Variants in FOXP2 observed in about 807,000 individuals in gnomAD.
FOXP2 encodes forkhead box protein P2.
A neutral mutation model predicts 115.8 loss-of-function variants in FOXP2; 12 were observed. The observed-to-expected ratio is 0.10, with a 90% CI of 0.07 to 0.17. The LOEUF (loss-of-function observed/expected upper bound fraction) is 0.17. Among genes scored for constraint, FOXP2 ranks in the 10% least tolerant of loss-of-function variants. The probability of loss-of-function intolerance (pLI) is 1.00; values close to 1 mark genes in which losing one functional copy is unlikely to be tolerated. For synonymous variants in FOXP2, 328 were observed against 297.7 expected (o/e 1.10, Z -1.05); for missense variants, 629 against 843.5 (o/e 0.75, Z 3.15).
chr7:114,533,325 A>G (rs1799230615), intron 2 of FOXP2, among the ~76,000 whole-genome samples: 1 of 151,886 alleles, frequency 6.6e-6, no homozygotes, highest in Non-Finnish European at 1.5e-5. Flanking sequence ...CTGTCTTTTC[A>G]TAATTGATCA....
At chr7:114,603,597 G>A (rs1243685630) in intron 3 of FOXP2, among the ~76,000 whole-genome samples, 9 of 152,180 alleles carry the variant, frequency 5.9e-5, no homozygotes, top group Admixed American at 5.9e-4. Context: ...TGAATTAACA[G>A]ATAAATGTCA....
intron 2 of FOXP2, among the ~76,000 whole-genome samples, chr7:114,381,199 T>A (rs1015979863): frequency 1.4e-4 from 22 of 152,348 alleles, no homozygotes; most frequent in Non-Finnish European, 1.8e-4. Context: ...TAAGCCAGTA[T>A]AGGTTAGATA....
intron 2 of FOXP2, among the ~76,000 whole-genome samples, chr7:114,296,313 T>G (rs1195987125): frequency 3.9e-5 from 6 of 152,184 alleles, no homozygotes; most frequent in Middle Eastern, 3.2e-3. Flanking sequence ...TAGTCTCAGA[T>G]AATTTAATAA....
chr7:114,201,351 T>A (rs1490839860), intron 1 of FOXP2, among the ~76,000 whole-genome samples: 2 of 151,858 alleles, frequency 1.3e-5, no homozygotes, highest in Non-Finnish European at 2.9e-5. Flanking sequence ...TTGTCCCAGA[T>A]ACTCAGGAGG....
chr7:114,294,118 G>A (rs572131702), intron 2 of FOXP2, among the ~76,000 whole-genome samples: 17 of 152,288 alleles, frequency 1.1e-4, no homozygotes, highest in African/African-American at 3.8e-4. Flanking sequence ...CAAATGGAAA[G>A]AAAATGTGAA....
upstream of FOXP2, among the ~76,000 whole-genome samples, chr7:114,162,275 C>T (rs1792861541): frequency 6.6e-6 from 1 of 152,044 alleles, no homozygotes; most frequent in Admixed American, 6.6e-5. Flanking sequence ...TGCATTTTTA[C>T]ATCTTGTAAA....
chr7:114,573,949 A>G (rs1801445464), intron 3 of FOXP2, among the ~76,000 whole-genome samples: 1 of 151,770 alleles, frequency 6.6e-6, no homozygotes, highest in Non-Finnish European at 1.5e-5. Flanking sequence ...ATTTACTAGC[A>G]AAACGTGCAA....
intron 2 of FOXP2, among the ~76,000 whole-genome samples, chr7:114,457,749 C>A (rs376994764): frequency 6.6e-6 from 1 of 151,940 alleles, no homozygotes; most frequent in South Asian, 2.1e-4. Context: ...ATACAAAAAA[C>A]TAGCCAGGCG....
chr7:114,565,624 C>A (rs928363214), intron 3 of FOXP2, among the ~76,000 whole-genome samples: 3 of 152,078 alleles, frequency 2.0e-5, no homozygotes, highest in African/African-American at 7.2e-5. Flanking sequence ...TACACAGTAG[C>A]CTCAAAATAA....
At chr7:114,574,099 A>G (rs918356928) in intron 3 of FOXP2, among the ~76,000 whole-genome samples, 1 of 151,810 alleles carries the variant, frequency 6.6e-6, no homozygotes, top group African/African-American at 2.4e-5. Flanking sequence ...CTAATAAATT[A>G]TATTTAATGT....
In FOXP2 at chr7:114,113,679, A is replaced by G. The variant is rs1006135643; in HGVS notation, c.-247+25841A>G. ...CTACCATATCTGGATATTTATTATT[A>G]TTTTTTTATAGATGGGGTCTTGCTA... is the stretch of plus-strand genomic sequence containing the variant. On this transcript the variant is annotated intron_variant, in intron 1 of 19. Coordinates refer to the FOXP2 transcript ENST00000635638. Among the ~76,000 whole-genome samples, 8 of 151,796 alleles carry G rather than the reference A, an allele frequency of 5.3e-5. 1 individual carries two copies. The highest frequency in any genetic ancestry group is 3.3e-4 in the Admixed American group (5 of 15,224).
chr7:114,434,841 T>C (rs1414534794), intron 2 of FOXP2, among the ~76,000 whole-genome samples: 1 of 152,196 alleles, frequency 6.6e-6, no homozygotes, highest in Non-Finnish European at 1.5e-5. Flanking sequence ...TGGAAATTAA[T>C]TGTAATTTTA....
chr7:114,565,187 C>T (rs578156598), intron 3 of FOXP2, among the ~76,000 whole-genome samples: 1 of 150,834 alleles, frequency 6.6e-6, no homozygotes, highest in African/African-American at 2.4e-5. Flanking sequence ...AAAAAAAAAT[C>T]AGGAGTCCAT....
chr7:114,326,080 C>T (rs1435860587), intron 2 of FOXP2, among the ~76,000 whole-genome samples: 1 of 152,028 alleles, frequency 6.6e-6, no homozygotes, highest in Admixed American at 6.6e-5. Flanking sequence ...TTGCATTTGT[C>T]GTTAGAATTA....
At chr7:114,234,944 C>CCATA (rs1794971794) in intron 1 of FOXP2, among the ~76,000 whole-genome samples, 2 of 152,164 alleles carry the variant, frequency 1.3e-5, no homozygotes, top group Admixed American at 1.3e-4. Flanking sequence ...GGGAAGCTAT[C>CCATA]CATAATCTTG....
chr7:114,341,128 T>C (rs1562878229), intron 2 of FOXP2, among the ~76,000 whole-genome samples: 1 of 151,230 alleles, frequency 6.6e-6, no homozygotes, highest in Admixed American at 6.6e-5. Flanking sequence ...AACTATATCA[T>C]TTTAAAATTG....
At chr7:114,201,982 C>A (rs545490702) in intron 1 of FOXP2, among the ~76,000 whole-genome samples, 3 of 152,316 alleles carry the variant, frequency 2.0e-5, no homozygotes, top group Non-Finnish European at 4.4e-5. Context: ...GGAAACTATA[C>A]TCTGTCTGCC....
At chr7:114,147,437 T>C (rs1222401505) in intron 1 of FOXP2, among the ~76,000 whole-genome samples, 1 of 152,128 alleles carries the variant, frequency 6.6e-6, no homozygotes, top group Non-Finnish European at 1.5e-5. Flanking sequence ...ACAAGGCTTT[T>C]ATTTTAAAGC....
At position 114,547,836 on chromosome 7, in the gene FOXP2, A is replaced by G. The variant is rs75192965; in HGVS notation, c.258+13130A>G. On this transcript the variant is annotated intron_variant, in intron 3 of 16. Coordinates refer to ENST00000350908, the MANE Select transcript of FOXP2 (RefSeq NM_014491.4). ...AATATCAAGAAACTATACTTCCTAC[A>G]TGATTTATTGGTATATAATTTTTAT... 2.4e-4 allele frequency among the ~76,000 whole-genome samples: 37 copies of G among 152,352 alleles called. No homozygotes were observed. The East Asian group carries it at 7.1e-3, about 29-fold the overall frequency.
Sources: allele counts gnomAD v4.1 joint callset (sites outside exome capture counted in the v4.1 genomes callset), GRCh38; gene constraint gnomAD v4.1.1; transcripts MANE v1.5; gene names NCBI Gene and HGNC (gene_info 2026-07-23, HGNC 2026-07-21).